CERS6: variants seen among roughly 807,000 people sequenced by gnomAD.
CERS6 encodes ceramide synthase 6.
CERS6 carries 26 observed loss-of-function variants against 56.8 expected under a neutral mutation model. That is an observed-to-expected ratio of 0.46 (90% CI 0.34 to 0.63). The LOEUF (loss-of-function observed/expected upper bound fraction) is 0.63, where lower values mean the gene tolerates loss of function less well. Among genes scored for constraint, CERS6 ranks in the 30% least tolerant of loss-of-function variants. CERS6 has a pLI of 0.01. For synonymous variants in CERS6, 164 were observed against 173.3 expected (o/e 0.95, Z 0.42); for missense variants, 415 against 467.5 (o/e 0.89, Z 1.04).
chr2:168,576,618 T>G (rs1462696942), intron 3 of CERS6, among the ~76,000 whole-genome samples: 2 of 152,196 alleles, frequency 1.3e-5, no homozygotes, highest in Admixed American at 1.3e-4. Context: ...TAGAGAAGTT[T>G]GAAGAATAGT....
intron 1 of CERS6, among the ~76,000 whole-genome samples, chr2:168,506,155 T>C (rs1204941482): frequency 1.3e-5 from 2 of 152,234 alleles, no homozygotes; most frequent in Non-Finnish European, 1.5e-5. Context: ...ACTAGAGTTC[T>C]AAGGGTCTCT....
intron 8 of CERS6, among the ~76,000 whole-genome samples, chr2:168,762,181 T>G (rs1279743966): frequency 6.6e-6 from 1 of 152,136 alleles, no homozygotes; most frequent in Non-Finnish European, 1.5e-5. Flanking sequence ...GTAAATAAAT[T>G]TTTAAAATGC....
chr2:168,569,833 G>A (rs10211195), intron 3 of CERS6, among the ~76,000 whole-genome samples: 9,522 of 152,184 alleles, frequency 0.063, 419 homozygotes, highest in Non-Finnish European at 0.094. Context: ...CGTAAAATGG[G>A]CACATTAATA....
rs568390616 is a variant in CERS6 at position 168,772,077 on chromosome 2, G to A, written c.*2415G>A. ...TATCTCTGTCTATAGCTTTCCCATG[G>A]TAGCCTGATAAGGCTGAGAGAGAAA... On this transcript the variant is annotated 3_prime_UTR_variant, in exon 10 of 10. Coordinates refer to ENST00000305747, the MANE Select transcript of CERS6 (RefSeq NM_203463.3). 6 of 152,152 alleles carry A rather than the reference G, an allele frequency of 3.9e-5. No individual in the cohort carries two copies. The highest frequency in any genetic ancestry group is 8.8e-5 in the Non-Finnish European group (6 of 68,028). The allele number at this position is 152,152 out of a possible 1,614,324, so 9.4% of individuals were successfully genotyped here.
At chr2:168,640,326 G>A (rs1381774956) in intron 4 of CERS6, among the ~76,000 whole-genome samples, 1 of 152,138 alleles carries the variant, frequency 6.6e-6, no homozygotes, top group Non-Finnish European at 1.5e-5. Context: ...ATGGAAATGT[G>A]GGCATAAAGC....
chr2:168,570,712 AC>A (rs146507927), intron 3 of CERS6, among the ~76,000 whole-genome samples: 2,848 of 152,214 alleles, frequency 0.019, 125 homozygotes, highest in East Asian at 0.18. Context: ...AATCGAATCT[AC>A]CTGGTTCATG....
intron 2 of CERS6, among the ~76,000 whole-genome samples, chr2:168,555,013 C>T (rs1695650411): frequency 6.6e-6 from 1 of 151,840 alleles, no homozygotes; most frequent in African/African-American, 2.4e-5. Context: ...GTGATAGAGT[C>T]AGTGAGAAAA....
intron 1 of CERS6, among the ~76,000 whole-genome samples, chr2:168,538,736 ACT>A (rs1201485683): frequency 6.6e-6 from 1 of 152,214 alleles, no homozygotes; most frequent in East Asian, 1.9e-4. Flanking sequence ...ATAGATGCTC[ACT>A]GAGTCATTTT....
chr2:168,733,836 G>A (rs770504275), intron 8 of CERS6, among the ~76,000 whole-genome samples: 2 of 152,158 alleles, frequency 1.3e-5, no homozygotes, highest in Non-Finnish European at 2.9e-5. Flanking sequence ...CTTCCCATGC[G>A]TAACGTGGCT....
chr2:168,770,013 C>T lies in CERS6; in HGVS notation c.*351C>T. 3.9e-6 allele frequency: 1 copy of T among 255,792 alleles called. No individual in the cohort carries two copies. The highest frequency in any genetic ancestry group is 7.4e-6 in the Non-Finnish European group (1 of 134,572). 15.8% of individuals were successfully genotyped at this position (255,792 alleles called of 1,614,324 possible). On this transcript the variant is annotated 3_prime_UTR_variant, in exon 10 of 10. Coordinates refer to ENST00000305747, the MANE Select transcript of CERS6 (RefSeq NM_203463.3). ...GACAGTGAAGGAGATGCTCCATCTG[C>T]TTCTCCCCCTTTCTCTTGCTGTAGT...
chr2:168,594,507 C>T (rs1203934801), intron 3 of CERS6, among the ~76,000 whole-genome samples: 2 of 152,088 alleles, frequency 1.3e-5, no homozygotes, highest in Non-Finnish European at 1.5e-5. Context: ...ATTGGTTGAG[C>T]CTGGGAGGTT....
chr2:168,466,308 T>G (rs1350204034), intron 1 of CERS6, among the ~76,000 whole-genome samples: 2 of 152,160 alleles, frequency 1.3e-5, no homozygotes, highest in Non-Finnish European at 2.9e-5. Context: ...AGGATTAAAG[T>G]CAAGTCACCC....
intron 8 of CERS6, among the ~76,000 whole-genome samples, chr2:168,738,292 C>G (rs985166147): frequency 6.6e-6 from 1 of 152,188 alleles, no homozygotes; most frequent in African/African-American, 2.4e-5. Flanking sequence ...TGTGAATCAG[C>G]TTGGCTCTGC....
At chr2:168,605,090 G>A (rs1684021930) in intron 3 of CERS6, among the ~76,000 whole-genome samples, 1 of 152,194 alleles carries the variant, frequency 6.6e-6, no homozygotes, top group Non-Finnish European at 1.5e-5. Flanking sequence ...CTAGAGATTT[G>A]TTGAATGGTT....
intron 1 of CERS6, among the ~76,000 whole-genome samples, chr2:168,507,439 C>T (rs1328403961): frequency 1.3e-5 from 2 of 151,980 alleles, no homozygotes; most frequent in Non-Finnish European, 2.9e-5. Context: ...ATAGATCCTT[C>T]TGGTGTTTCC....
chr2:168,465,029 G>C (rs993856976), intron 1 of CERS6, among the ~76,000 whole-genome samples: 2 of 152,184 alleles, frequency 1.3e-5, no homozygotes, highest in Non-Finnish European at 2.9e-5. Flanking sequence ...TTACCTCTAG[G>C]GGTGTACACC....
chr2:168,608,095 C>T (rs780126352), intron 3 of CERS6, among the ~76,000 whole-genome samples: 7 of 152,180 alleles, frequency 4.6e-5, no homozygotes, highest in Non-Finnish European at 8.8e-5. Flanking sequence ...TATTTTCTGT[C>T]GCAATAGATT....
chr2:168,699,145 A>T (rs1322252234), intron 6 of CERS6, among the ~76,000 whole-genome samples: 1 of 152,102 alleles, frequency 6.6e-6, no homozygotes, highest in Non-Finnish European at 1.5e-5. Flanking sequence ...TGGCAGTTCC[A>T]TCCTTATTCC....
At chr2:168,701,061 C>T (rs1044534173) in intron 6 of CERS6, among the ~76,000 whole-genome samples, 1 of 152,162 alleles carries the variant, frequency 6.6e-6, no homozygotes, top group East Asian at 1.9e-4. Context: ...AGGGCTCCCA[C>T]TTCTAGCACA....
Sources: allele counts gnomAD v4.1 joint callset (sites outside exome capture counted in the v4.1 genomes callset), GRCh38; gene constraint gnomAD v4.1.1; transcripts MANE v1.5; gene names NCBI Gene and HGNC (gene_info 2026-07-23, HGNC 2026-07-21).